RAB3GAP2: variants seen among roughly 807,000 people sequenced by gnomAD.
RAB3GAP2 encodes the protein rab3 GTPase-activating protein non-catalytic subunit.
RAB3GAP2 carries 87 observed loss-of-function variants against 185.3 expected under a neutral mutation model. The ratio of observed to expected loss-of-function variants is 0.47; its 90% confidence interval spans 0.39 to 0.56. RAB3GAP2 has a LOEUF of 0.56. Among genes scored for constraint, RAB3GAP2 ranks in the 20% least tolerant of loss-of-function variants. The pLI is 0.00. For synonymous variants in RAB3GAP2, 554 were observed against 576.1 expected (o/e 0.96, Z 0.55); for missense variants, 1,492 against 1,638.2 (o/e 0.91, Z 1.54).
At chr1:220,229,106 G>C (rs978723378) in intron 2 of RAB3GAP2, among the ~76,000 whole-genome samples, 1 of 152,142 alleles carries the variant, frequency 6.6e-6, no homozygotes, top group Non-Finnish European at 1.5e-5. Flanking sequence ...AAGGAAATGT[G>C]TTAACACTTA....
intron 1 of RAB3GAP2, among the ~76,000 whole-genome samples, chr1:220,268,255 G>A (rs1030814919): frequency 2.0e-5 from 3 of 152,138 alleles, no homozygotes; most frequent in South Asian, 2.1e-4. Flanking sequence ...AAAAGTTTAC[G>A]TTCAAAACTC....
rs746828925 is a variant in RAB3GAP2 at position 220,184,068 on chromosome 1, C to T, written c.1966G>A (p.Asp656Asn). Residue 656 changes from aspartate (D) to asparagine (N), a missense_variant, in exon 19 of 35, where the codon GAT (aspartate) becomes AAT (asparagine). This residue lies in a region of RAB3GAP2 where 681 missense variants were observed against 689.1 expected (regional missense o/e 0.99). Transcript: ENST00000358951. ...YESVSQLNSLDFHLDTPFSDN... is the reference protein window; with the variant it reads ...YESVSQLNSLNFHLDTPFSDN... ...GAGAATGGTGTGTCTAAATGAAAAT[C>T]AAGGGAATTTAATTGACTGACAGAC... 6.3e-7 allele frequency: 1 copy of T among 1,593,260 alleles called. No homozygotes were observed. Among genetic ancestry groups the T allele is most frequent in the South Asian group, 1.1e-5 (1 of 90,408 alleles).
chr1:220,172,815 C>CA (rs1231829201), intron 21 of RAB3GAP2, 73 bp from the exon 22 acceptor site: 31 of 943,086 alleles, frequency 3.3e-5, no homozygotes, highest in African/African-American at 6.5e-5. Context: ...CTTTCCTAGA[C>CA]AGCAGATGCA....
chr1:220,212,846 A>G, intron 4 of RAB3GAP2, 41 bp downstream of exon 4: 1 of 1,447,888 alleles, frequency 6.9e-7, no homozygotes, highest in African/African-American at 1.4e-5. Flanking sequence ...TTTCATACAT[A>G]CATGTAACAC....
intron 8 of RAB3GAP2, among the ~76,000 whole-genome samples, chr1:220,203,368 A>G (rs1021425480): frequency 6.6e-6 from 1 of 152,212 alleles, no homozygotes; most frequent in Non-Finnish European, 1.5e-5. Flanking sequence ...GAAAAATAAT[A>G]ATAAAGAAAA....
intron 32 of RAB3GAP2, 168 bp from the exon 33 acceptor site, chr1:220,153,574 T>C (rs1467062483): frequency 3.9e-6 from 2 of 509,402 alleles, no homozygotes; most frequent in Non-Finnish European, 6.8e-6. Context: ...CAAGAATACT[T>C]TGAAATTGGT....
chr1:220,211,833 C>CT (rs369558784), intron 4 of RAB3GAP2, among the ~76,000 whole-genome samples: 1 of 152,320 alleles, frequency 6.6e-6, no homozygotes, highest in African/African-American at 2.4e-5. Context: ...CTTTGCATTT[C>CT]TGACAGAGAT....
At chr1:220,225,838 G>T (rs566302669) in intron 2 of RAB3GAP2, among the ~76,000 whole-genome samples, 19 of 152,154 alleles carry the variant, frequency 1.2e-4, no homozygotes, top group Non-Finnish European at 2.1e-4. Flanking sequence ...TGTGTGGCAG[G>T]TGGCATGAGA....
chr1:220,165,310 A>G (rs1658043901), intron 26 of RAB3GAP2, among the ~76,000 whole-genome samples: 1 of 151,400 alleles, frequency 6.6e-6, no homozygotes, highest in Non-Finnish European at 1.5e-5. Flanking sequence ...TTAATATATT[A>G]TATTTAGTAT....
intron 7 of RAB3GAP2, among the ~76,000 whole-genome samples, chr1:220,208,868 C>T (rs1420914324): frequency 1.3e-5 from 2 of 152,196 alleles, no homozygotes; most frequent in Non-Finnish European, 2.9e-5. Flanking sequence ...AGGCGCATGC[C>T]GCCATGCCCG....
At position 220,150,056 on chromosome 1, in the gene RAB3GAP2, T is replaced by C. The variant is rs1657718311; in HGVS notation, c.*1195A>G. On this transcript the variant is annotated 3_prime_UTR_variant, in exon 35 of 35. Coordinates refer to ENST00000358951, the MANE Select transcript of RAB3GAP2 (RefSeq NM_012414.4). ...TATACCACAATAAATACTTGGTATT[T>C]GTAGAGCTCAAAGCACTCTTTTACA... The C allele has an allele frequency of 6.6e-6, 1 of 152,046 alleles. No homozygotes were observed. The highest frequency in any genetic ancestry group is 1.5e-5 in the Non-Finnish European group (1 of 67,994). The allele number at this position is 152,046 out of a possible 1,614,324, so 9.4% of individuals were successfully genotyped here. A position where few individuals can be genotyped will look rare whatever the true frequency, so the allele number is the denominator to read the frequency against.
chr1:220,202,768 C>A (rs1179948261), intron 8 of RAB3GAP2, among the ~76,000 whole-genome samples: 1 of 152,078 alleles, frequency 6.6e-6, no homozygotes, highest in African/African-American at 2.4e-5. Flanking sequence ...CATGGTGAAA[C>A]CCCATTTCTA....
intron 24 of RAB3GAP2, among the ~76,000 whole-genome samples, chr1:220,167,949 T>C (rs577740383): frequency 6.8e-4 from 103 of 152,328 alleles, no homozygotes; most frequent in African/African-American, 2.4e-3. Context: ...CTATAAACCA[T>C]ATGCTTTCTA....
At position 220,149,950 on chromosome 1, in the gene RAB3GAP2, T is replaced by G. The variant is rs1364831709; in HGVS notation, c.*1301A>C. On this transcript the variant is annotated 3_prime_UTR_variant, in exon 35 of 35. Transcript: ENST00000358951. Reference sequence around the variant, plus strand: ...GGGGAAGTGAAGAAACAAACTTCTGTATCACAATGACTTACTATGAATAAT... The same window carrying G: ...GGGGAAGTGAAGAAACAAACTTCTGGATCACAATGACTTACTATGAATAAT... 1 of 152,210 alleles carries G rather than the reference T, an allele frequency of 6.6e-6. No individual in the cohort carries two copies. The highest frequency in any genetic ancestry group is 1.5e-5 in the Non-Finnish European group (1 of 68,046). The allele number at this position is 152,210 out of a possible 1,614,324, so 9.4% of individuals were successfully genotyped here.
chr1:220,237,876 T>C (rs976033347), intron 1 of RAB3GAP2, among the ~76,000 whole-genome samples: 12 of 148,160 alleles, frequency 8.1e-5, no homozygotes, highest in African/African-American at 3.1e-4. Flanking sequence ...AATAGCCATA[T>C]TAAAAAGTAA....
chr1:220,213,533 TAAG>T (rs915442249), intron 3 of RAB3GAP2, among the ~76,000 whole-genome samples: 4 of 151,898 alleles, frequency 2.6e-5, no homozygotes, highest in Non-Finnish European at 5.9e-5. Context: ...ACATTGTTAC[TAAG>T]AAAAGGTCAA....
chr1:220,267,782 C>T, intron 1 of RAB3GAP2: 3 of 1,499,950 alleles, frequency 2.0e-6, no homozygotes, highest in Non-Finnish European at 1.9e-6. Context: ...ACAAGACCCA[C>T]TGAGCCTGGC....
chr1:220,172,165 T>C (rs1658191915), intron 22 of RAB3GAP2, 116 bp from the exon 23 acceptor site: 1 of 1,019,270 alleles, frequency 9.8e-7, no homozygotes, highest in South Asian at 1.4e-5. Context: ...GTTTTTGTAT[T>C]TCTCAATGAA....
intron 1 of RAB3GAP2, among the ~76,000 whole-genome samples, chr1:220,248,128 C>T (rs1339035753): frequency 6.6e-6 from 1 of 151,128 alleles, no homozygotes; most frequent in Non-Finnish European, 1.5e-5. Flanking sequence ...CTAAAAGATG[C>T]AAAAAAAATG....
Sources: gnomAD v4.1 joint callset for allele counts (sites outside exome capture counted in the v4.1 genomes callset) on GRCh38, gnomAD v4.1.1 for gene constraint, gnomAD v4.1.1 regional missense constraint, MANE v1.5 for transcripts, NCBI Gene and HGNC (gene_info 2026-07-23, HGNC 2026-07-21) for gene names.